Variants in CHD3 observed in about 807,000 individuals in gnomAD.
CHD3 encodes ATP-dependent chromatin remodeler CHD3.
In CHD3, 52 loss-of-function variants were observed where a neutral mutation model predicts 248.9. That is an observed-to-expected ratio of 0.21 (90% CI 0.17 to 0.26). CHD3 has a LOEUF of 0.26. Among genes scored for constraint, CHD3 ranks in the 10% least tolerant of loss-of-function variants. The pLI is 1.00. For synonymous variants in CHD3, 985 were observed against 985.2 expected, an observed-to-expected ratio of 1.00 and a Z score of 0.00; for missense variants, 1,482 against 2,605.8, an observed-to-expected ratio of 0.57 and a Z score of 9.39.
chr17:7,907,449 G>A lies in CHD3; in HGVS notation c.4885G>A (p.Glu1629Lys). 2 of 1,610,082 alleles carry A rather than the reference G, an allele frequency of 1.2e-6. No individual in the cohort carries two copies. Among genetic ancestry groups the A allele is most frequent in the Non-Finnish European group, 1.7e-6 (2 of 1,178,120 alleles). The stretch of plus-strand genomic sequence containing the variant: ...GGTGCCAGGGGTGCCTGGAGAGATG[G>A]AGCCTGAACCTGGGTACCGTGGGGA... Reference protein sequence around the residue: ...DEVPGVPGEMEPEPGYRGDRE... With the variant: ...DEVPGVPGEMKPEPGYRGDRE... The change falls in exon 32 of 40, where the codon GAG becomes AAG. Residue 1629 changes from glutamate (E) to lysine (K), a missense_variant. By Grantham distance (56) the Glu-to-Lys change is moderately conservative. This residue lies in a region of CHD3 where 254 missense variants were observed against 266.7 expected (regional missense o/e 0.95). Coordinates refer to ENST00000330494, the MANE Select transcript of CHD3 (RefSeq NM_001005273.3). The surrounding 1 kb of genome is among the most constrained non-coding windows in gnomAD (Gnocchi z 4.3).
chr17:7,890,504 A>G (rs909305301), intron 2 of CHD3, 67 bp from the exon 3 acceptor site: 15 of 1,091,806 alleles, frequency 1.4e-5, no homozygotes, highest in Admixed American at 1.2e-4. Flanking sequence ...AAGATATGGT[A>G]TGTGCTGAGA....
In CHD3 at chr17:7,910,538, C is replaced by T. The variant is rs765857922; in HGVS notation, c.5701C>T (p.Arg1901Cys). 5.6e-6 allele frequency: 9 copies of T among 1,613,192 alleles called. No homozygotes were observed. The highest frequency in any genetic ancestry group is 2.2e-5 in the East Asian group (1 of 44,888). The change falls in exon 38 of 40, where the codon CGC becomes TGC. Residue 1901 changes from arginine (R) to cysteine (C), a missense_variant. Physicochemically the swap from Arg to Cys is radical, Grantham distance 180. Transcript: ENST00000330494. The surrounding 1 kb of genome is among the most constrained non-coding windows in gnomAD (Gnocchi z 4.7). Reference protein sequence around the residue: ...PIAARLQMSERSILSRLASKG... With the variant: ...PIAARLQMSECSILSRLASKG... ...CGCAGCCCGCCTTCAGATGTCCGAGCGCAGCATCCTCAGCCGGCTGGCCAG... is the reference window on the plus strand; with the variant it reads ...CGCAGCCCGCCTTCAGATGTCCGAGTGCAGCATCCTCAGCCGGCTGGCCAG...
chr17:7,895,027 C>T lies in CHD3; in HGVS notation c.1380C>T (p.Arg460=). 4 of 1,614,124 alleles carry T rather than the reference C, an allele frequency of 2.5e-6. No homozygotes were observed. The highest frequency in any genetic ancestry group is 1.1e-5 in the South Asian group (1 of 91,090). The change falls in exon 9 of 40, where the codon CGC becomes CGT. Residue 460 remains arginine, a synonymous_variant. Transcript: ENST00000330494. This position sits in a 1 kb window ranked among gnomAD's most constrained non-coding sequence, Gnocchi z 4.9. The part of the protein sequence containing the change: ...EEEDDHMEYC[R]VCKDGGELLC... Reference sequence around the variant, plus strand: ...AGGATGATCACATGGAGTACTGCCGCGTATGCAAGGACGGCGGGGAGCTCC... The same window carrying T: ...AGGATGATCACATGGAGTACTGCCGTGTATGCAAGGACGGCGGGGAGCTCC...
rs773042804 is a variant in CHD3 at position 7,906,113 on chromosome 17, A to G, written c.4358+124A>G. On this transcript the variant is annotated intron_variant, in intron 28 of 39. Transcript: ENST00000330494. This position sits in a 1 kb window ranked among gnomAD's most constrained non-coding sequence, Gnocchi z 5.0. ...CTGATTATCACCCTCCCTGTCATAC[A>G]ATACTTCCTGGCTCGATTTCCTGGG... 1 of 1,413,776 alleles carries G rather than the reference A, an allele frequency of 7.1e-7. No homozygotes were observed. Among genetic ancestry groups the G allele is most frequent in the Non-Finnish European group, 9.9e-7 (1 of 1,009,754 alleles). 87.6% of individuals were successfully genotyped at this position (1,413,776 alleles called of 1,614,324 possible).
rs1598022302 is a variant in CHD3 at position 7,912,437 on chromosome 17, C to T, written c.*852C>T. 1.3e-5 allele frequency: 2 copies of T among 152,118 alleles called. No homozygotes were observed. The highest frequency in any genetic ancestry group is 4.8e-5 in the African/African-American group (2 of 41,246). 9.4% of individuals were successfully genotyped at this position (152,118 alleles called of 1,614,324 possible). A position where few individuals can be genotyped will look rare whatever the true frequency, so the allele number is the denominator to read the frequency against. ...TTCCTGGAAGACTTCTACTACCCTC[C>T]CTCCTCAAGGCCTGGATACAGACTA... is the stretch of plus-strand genomic sequence containing the variant. On this transcript the variant is annotated 3_prime_UTR_variant, in exon 40 of 40. Coordinates refer to ENST00000330494, the MANE Select transcript of CHD3 (RefSeq NM_001005273.3).
Position 7,894,683 on chromosome 17 carries a change from T to G in CHD3, c.1269+75T>G, listed in dbSNP as rs567605979. 5 of 1,490,014 alleles carry G rather than the reference T, an allele frequency of 3.4e-6. No individual in the cohort carries two copies. The East Asian group carries it at 1.1e-4, about 34-fold the overall frequency. The allele number at this position is 1,490,014 out of a possible 1,614,324, so 92.3% of individuals were successfully genotyped here. On this transcript the variant is annotated intron_variant, in intron 8 of 39. Transcript: ENST00000330494. The stretch of plus-strand genomic sequence containing the variant: ...CTTTCCCCCTTGGTTTCACTTACCC[T>G]CTTCCTGCCCCCAGATGGCTGGACT...
chr17:7,900,278 C>T lies in CHD3; in HGVS notation c.2683-12C>T, dbSNP rs1970158463. Reference sequence around the variant, plus strand: ...AGCCCATTTTCCTGCCTTGCCTTGCCCCATCTTTTAGTTTTTCAGGGTTCT... The same window carrying T: ...AGCCCATTTTCCTGCCTTGCCTTGCTCCATCTTTTAGTTTTTCAGGGTTCT... On this transcript the variant is annotated splice_polypyrimidine_tract_variant and intron_variant, in intron 16 of 39. Coordinates refer to ENST00000330494, the MANE Select transcript of CHD3 (RefSeq NM_001005273.3). This position sits in a 1 kb window ranked among gnomAD's most constrained non-coding sequence, Gnocchi z 6.5. 6.2e-7 allele frequency: 1 copy of T among 1,613,948 alleles called. No homozygotes were observed. The highest frequency in any genetic ancestry group is 8.5e-7 in the Non-Finnish European group (1 of 1,179,986).
At position 7,895,451 on chromosome 17, in the gene CHD3, C is replaced by T. The variant is rs201739166; in HGVS notation, c.1616C>T (p.Pro539Leu). The T allele has an allele frequency of 1.2e-6, 2 of 1,614,042 alleles. No individual in the cohort carries two copies. Among genetic ancestry groups the T allele is most frequent in the African/African-American group, 1.3e-5 (1 of 74,908 alleles). Residue 539 changes from proline to leucine, a missense_variant, in exon 10 of 40, where the codon CCC (proline) becomes CTC (leucine). Pro to Leu is a moderately conservative substitution (Grantham distance 98). Coordinates refer to ENST00000330494, the MANE Select transcript of CHD3 (RefSeq NM_001005273.3). The surrounding 1 kb of genome is among the most constrained non-coding windows in gnomAD (Gnocchi z 4.9). ...GATGGAAATCCAGATGTCCCACCCCCCCGTCCTCTTCAAGGCAGATCAGAG... is the reference window on the plus strand; with the variant it reads ...GATGGAAATCCAGATGTCCCACCCCTCCGTCCTCTTCAAGGCAGATCAGAG... ...QADGNPDVPP[P>L]RPLQGRSERE...
rs577058113 is a variant in CHD3 at position 7,911,974 on chromosome 17, A to C, written c.*389A>C. On this transcript the variant is annotated 3_prime_UTR_variant, in exon 40 of 40. Coordinates refer to ENST00000330494, the MANE Select transcript of CHD3 (RefSeq NM_001005273.3). This position sits in a 1 kb window ranked among gnomAD's most constrained non-coding sequence, Gnocchi z 5.4. ...GCTCTGTCTCATGTGGAAGTGGAGAATCAGCCTTGCCTGGCCTTTAGGAAC... is the reference window on the plus strand; with the variant it reads ...GCTCTGTCTCATGTGGAAGTGGAGACTCAGCCTTGCCTGGCCTTTAGGAAC... 8 of 340,466 alleles carry C rather than the reference A, an allele frequency of 2.3e-5. No individual in the cohort carries two copies. The Admixed American group carries it at 2.5e-4, about 11-fold the overall frequency. 21.1% of individuals were successfully genotyped at this position (340,466 alleles called of 1,614,324 possible).
chr17:7,911,614 G>C lies in CHD3; in HGVS notation c.*29G>C. The C allele has an allele frequency of 6.2e-7, 1 of 1,613,488 alleles. No individual in the cohort carries two copies. Among genetic ancestry groups the C allele is most frequent in the South Asian group, 1.1e-5 (1 of 91,048 alleles). ...GATCCCAGGCCTGCCCTTCACCCAG[G>C]CCCCGTCCCCGAGGCCGACCCCCAG... On this transcript the variant is annotated 3_prime_UTR_variant, in exon 40 of 40. Transcript: ENST00000330494. This position sits in a 1 kb window ranked among gnomAD's most constrained non-coding sequence, Gnocchi z 5.4.
In CHD3 at chr17:7,890,685, A is replaced by G. The variant is rs1440112010; in HGVS notation, c.328A>G (p.Lys110Glu). The G allele has an allele frequency of 6.2e-7, 1 of 1,604,552 alleles. No homozygotes were observed. Among genetic ancestry groups the G allele is most frequent in the South Asian group, 1.1e-5 (1 of 89,316 alleles). Residue 110 changes from lysine (K) to glutamate (E), a missense_variant, in exon 3 of 40, where the codon AAA (lysine) becomes GAA (glutamate). Physicochemically the swap from Lys to Glu is moderately conservative, Grantham distance 56. Transcript: ENST00000330494. ...GAAACGAAGAAGGAAGCACCGAGAA[A>G]AAAAGGAGAAGAAGACAAAGCGGCG... Reference protein sequence around the residue: ...GRKRRRKHREKKEKKTKRRKK... With the variant: ...GRKRRRKHREEKEKKTKRRKK...
At position 7,902,922 on chromosome 17, in the gene CHD3, A is replaced by G; in HGVS notation, c.3371-15A>G. 6.2e-7 allele frequency: 1 copy of G among 1,611,704 alleles called. No individual in the cohort carries two copies. The highest frequency in any genetic ancestry group is 1.1e-5 in the South Asian group (1 of 90,942). On this transcript the variant is annotated splice_polypyrimidine_tract_variant and intron_variant, in intron 21 of 39. Coordinates refer to ENST00000330494, the MANE Select transcript of CHD3 (RefSeq NM_001005273.3). ...CCGGGTACAAGAAAAACCTGATCCA[A>G]CTCTCACCTCCTAGCTCCTGGGGCC...
rs1397014072 is a variant in CHD3 at position 7,912,289 on chromosome 17, G to C, written c.*704G>C. 1 of 156,978 alleles carries C rather than the reference G, an allele frequency of 6.4e-6. No homozygotes were observed. Among genetic ancestry groups the C allele is most frequent in the Non-Finnish European group, 1.4e-5 (1 of 71,762 alleles). The allele number at this position is 156,978 out of a possible 1,614,324, so 9.7% of individuals were successfully genotyped here. On this transcript the variant is annotated 3_prime_UTR_variant, in exon 40 of 40. Coordinates refer to ENST00000330494, the MANE Select transcript of CHD3 (RefSeq NM_001005273.3). ...CACCCCTACAAAAAGAGTAATGGTT[G>C]GGTGATACTCCCTCAAGCCAAAGAG...
chr17:7,894,213 T>C lies in CHD3; in HGVS notation c.1023T>C (p.Pro341=). 6.2e-7 allele frequency: 1 copy of C among 1,614,186 alleles called. No homozygotes were observed. Among genetic ancestry groups the C allele is most frequent in the Non-Finnish European group, 8.5e-7 (1 of 1,180,024 alleles). ...VHSASGRPDG[P]VRTKKLKRGR... ...GTGCCTCAGGCCGGCCTGATGGCCC[T>C]GTCCGCACCAAGAAACTAAAGAGAG... The change falls in exon 7 of 40, where the codon CCT becomes CCC. Residue 341 remains proline, a synonymous_variant. Transcript: ENST00000330494.
In CHD3 at chr17:7,907,364, C is replaced by T. The variant is rs139741951; in HGVS notation, c.4800C>T (p.Pro1600=). Residue 1600 remains proline (P), a synonymous_variant, in exon 32 of 40, where the codon CCC becomes CCT. Coordinates refer to ENST00000330494, the MANE Select transcript of CHD3 (RefSeq NM_001005273.3). This position sits in a 1 kb window ranked among gnomAD's most constrained non-coding sequence, Gnocchi z 4.3. ...GEKMETEADA[P]SPAPSLGERL... is the part of the protein sequence containing the mutation. The stretch of plus-strand genomic sequence containing the variant: ...TTGTCCTCTTCCAGGCTGATGCCCC[C>T]AGCCCAGCCCCATCACTTGGGGAGC... 1.9e-6 allele frequency: 3 copies of T among 1,604,358 alleles called. No homozygotes were observed. Among genetic ancestry groups the T allele is most frequent in the Admixed American group, 1.7e-5 (1 of 59,040 alleles).
rs1300032211 is a variant in CHD3 at position 7,895,833 on chromosome 17, G to C, written c.1707+291G>C. 6.6e-6 allele frequency among the ~76,000 whole-genome samples: 1 copy of C among 152,096 alleles called. No individual in the cohort carries two copies. The highest frequency in any genetic ancestry group is 2.4e-5 in the African/African-American group (1 of 41,398). ...TTTTATAATATTCCTGGCTGGGCAT[G>C]GTGGCTCACACCTATAATCCTAGCA... On this transcript the variant is annotated intron_variant, in intron 10 of 39. Transcript: ENST00000330494. This position sits in a 1 kb window ranked among gnomAD's most constrained non-coding sequence, Gnocchi z 4.9.
rs1199152954 is a variant in CHD3 at position 7,900,334 on chromosome 17, G to A, written c.2727G>A (p.Leu909=). 2 of 1,614,040 alleles carry A rather than the reference G, an allele frequency of 1.2e-6. No homozygotes were observed. The highest frequency in any genetic ancestry group is 1.7e-6 in the Non-Finnish European group (2 of 1,180,032). ...LNGYKIDHKL[L]LTGTPLQNNL... ...GTTACAAGATAGATCATAAGTTGCT[G>A]CTGACAGGAACCCCATTGCAGAATA... is the stretch of plus-strand genomic sequence containing the variant. Residue 909 remains leucine (L), a synonymous_variant, in exon 17 of 40, where the codon CTG becomes CTA. Transcript: ENST00000330494. The surrounding 1 kb of genome is among the most constrained non-coding windows in gnomAD (Gnocchi z 6.5).
chr17:7,894,668 T>G (rs555583815), intron 8 of CHD3, 60 bp downstream of exon 8: 163 of 1,538,650 alleles, frequency 1.1e-4, no homozygotes, highest in Middle Eastern at 6.9e-4. Context: ...CTTTCCCCCT[T>G]GGTTTCACTT....
chr17:7,911,935 T>G lies in CHD3; in HGVS notation c.*350T>G, dbSNP rs1395863641. The G allele has an allele frequency of 5.2e-6, 2 of 382,812 alleles. No homozygotes were observed. The highest frequency in any genetic ancestry group is 9.7e-6 in the Non-Finnish European group (2 of 205,592). 23.7% of individuals were successfully genotyped at this position (382,812 alleles called of 1,614,324 possible). ...AAGAGGTGGAGCCTCCCCAGCCGTT[T>G]CCCTGCAGAATCAGCTCTGTCTCAT... On this transcript the variant is annotated 3_prime_UTR_variant, in exon 40 of 40. Transcript: ENST00000330494. This position sits in a 1 kb window ranked among gnomAD's most constrained non-coding sequence, Gnocchi z 5.4.
Sources: gnomAD v4.1 joint callset for allele counts (sites outside exome capture counted in the v4.1 genomes callset) on GRCh38, gnomAD v4.1.1 for gene constraint, gnomAD v4.1.1 regional missense constraint, Gnocchi (gnomAD v3.1) non-coding constraint, MANE v1.5 for transcripts, NCBI Gene and HGNC (gene_info 2026-07-23, HGNC 2026-07-21) for gene names.